PARN: variants seen among roughly 807,000 people sequenced by gnomAD.
The protein encoded by PARN is poly(A)-specific ribonuclease PARN.
A neutral mutation model predicts 102.8 loss-of-function variants in PARN; 71 were observed. The ratio of observed to expected loss-of-function variants is 0.69; its 90% CI spans 0.57 to 0.84. PARN has a LOEUF of 0.84. PARN is among the 40% of genes least tolerant of loss of function. The pLI, the probability that PARN is intolerant of heterozygous loss-of-function variation, is 0.00. For synonymous variants in PARN, 261 were observed against 252.9 expected, an observed-to-expected ratio of 1.03 and a Z score of -0.30; for missense variants, 782 against 760.9, an observed-to-expected ratio of 1.03 and a Z score of -0.33.
Position 14,446,970 on chromosome 16 carries a change from G to A in PARN, c.1782C>T (p.Thr594=), listed in dbSNP as rs187555579. The A allele has an allele frequency of 1.1e-3, 1,848 of 1,613,514 alleles. 4 individuals are homozygous for A. The highest frequency in any genetic ancestry group is 1.5e-3 in the Middle Eastern group (9 of 6,062). Reference sequence around the variant, plus strand: ...CTGAGAGGGGCTCTGCACAGGAATCGGTCTGCTCAAGCTCAGTGTCGGAAA... The same window carrying A: ...CTGAGAGGGGCTCTGCACAGGAATCAGTCTGCTCAAGCTCAGTGTCGGAAA... ...GEISDTELEQ[T]DSCAEPLSEG... Residue 594 remains threonine (T), a synonymous_variant, in exon 23 of 24, where the codon ACC becomes ACT. Transcript: ENST00000437198.
chr16:14,456,335 A>G (rs1253303720), intron 22 of PARN, among the ~76,000 whole-genome samples: 1 of 151,784 alleles, frequency 6.6e-6, no homozygotes, highest in Non-Finnish European at 1.5e-5. Context: ...ACACCTGACT[A>G]ATTTTTAATT....
chr16:14,532,718 G>A (rs1451771492), intron 21 of PARN, among the ~76,000 whole-genome samples: 4 of 150,774 alleles, frequency 2.7e-5, no homozygotes, highest in Non-Finnish European at 4.4e-5. Flanking sequence ...GGGCAGAGGC[G>A]CCCCTCACCT....
chr16:14,594,024 G>A (rs1031160888), intron 12 of PARN, among the ~76,000 whole-genome samples: 6 of 152,002 alleles, frequency 3.9e-5, no homozygotes, highest in Non-Finnish European at 5.9e-5. Flanking sequence ...ATCTGAAAGC[G>A]TTGACTCCCT....
rs114801530 is a variant in PARN, at chr16:14,625,240, G to A, written c.327+1866C>T. Reference sequence around the variant, plus strand: ...AAAACAAAACTGTAAGGCCGGGTGCGGTGGCTCAGCACTTTGGGAGGCCAA... The same window carrying A: ...AAAACAAAACTGTAAGGCCGGGTGCAGTGGCTCAGCACTTTGGGAGGCCAA... On this transcript the variant is annotated intron_variant, in intron 5 of 23. Coordinates refer to ENST00000437198, the MANE Select transcript of PARN (RefSeq NM_002582.4). Among the ~76,000 whole-genome samples, 1,313 of 152,048 alleles carry A rather than the reference G, an allele frequency of 8.6e-3. 21 individuals carry two copies. Among genetic ancestry groups the A allele is most frequent in the African/African-American group, 0.03 (1,230 of 41,450 alleles).
intron 21 of PARN, among the ~76,000 whole-genome samples, chr16:14,545,950 G>C (rs1280954732): frequency 6.6e-6 from 1 of 151,970 alleles, no homozygotes; most frequent in East Asian, 1.9e-4. Flanking sequence ...GTAAACCCAA[G>C]CAAGTAAAAG....
rs535539035 is a variant in PARN, at chr16:14,537,741, TAG to T, written c.1480+14278_1480+14279del. 1.9e-3 allele frequency among the ~76,000 whole-genome samples: 283 copies of T among 151,746 alleles called. 1 individual carries two copies. Among genetic ancestry groups the T allele is most frequent in the African/African-American group, 6.7e-3 (276 of 41,366 alleles). On this transcript the variant is annotated intron_variant, in intron 21 of 23. Transcript: ENST00000437198. ...GGAGCCGAAAAGCTTTGAGCTCAAGTAGAGAGTATAATTGGGAGTATTAAAGG... is the reference window on the plus strand; with the variant it reads ...GGAGCCGAAAAGCTTTGAGCTCAAGTAGAGTATAATTGGGAGTATTAAAGG...
intron 2 of PARN, among the ~76,000 whole-genome samples, chr16:14,629,021 A>G (rs575560115): frequency 5.8e-4 from 88 of 152,318 alleles, no homozygotes; most frequent in Non-Finnish European, 3.2e-4. Context: ...CAAAAACCTG[A>G]CCCTAGCCGG....
intron 5 of PARN, among the ~76,000 whole-genome samples, chr16:14,619,840 G>T (rs1298927500): frequency 6.6e-6 from 1 of 151,974 alleles, no homozygotes; most frequent in Non-Finnish European, 1.5e-5. Context: ...CGGAGGCTGA[G>T]GCAGGCGGAT....
intron 6 of PARN, among the ~76,000 whole-genome samples, chr16:14,611,524 G>A (rs1971518953): frequency 6.6e-6 from 1 of 152,128 alleles, no homozygotes; most frequent in South Asian, 2.1e-4. Flanking sequence ...GCTCAGATCA[G>A]AGGTCAGCAA....
chr16:14,489,850 C>G (rs1963961942), intron 21 of PARN, among the ~76,000 whole-genome samples: 1 of 152,210 alleles, frequency 6.6e-6, no homozygotes, highest in Non-Finnish European at 1.5e-5. Context: ...AAGGGAATTG[C>G]CTATATTCGT....
intron 21 of PARN, among the ~76,000 whole-genome samples, chr16:14,527,880 T>C (rs1046441334): frequency 6.6e-6 from 1 of 152,208 alleles, no homozygotes; most frequent in African/African-American, 2.4e-5. Flanking sequence ...AGGAGCCGTG[T>C]TTACAGCCCA....
At chr16:14,535,992 A>G (rs1224415278) in intron 21 of PARN, among the ~76,000 whole-genome samples, 1 of 152,206 alleles carries the variant, frequency 6.6e-6, no homozygotes, top group Non-Finnish European at 1.5e-5. Context: ...ACTTATTTAA[A>G]AAATAAAAAA....
At chr16:14,586,229 A>C (rs1369997796) in intron 14 of PARN, 89 bp downstream of exon 14, 20 of 743,390 alleles carry the variant, frequency 2.7e-5, no homozygotes. Context: ...CTCCCACCTC[A>C]GTCTCCCAAA....
intron 22 of PARN, among the ~76,000 whole-genome samples, chr16:14,472,070 T>C (rs775527527): frequency 2.6e-5 from 4 of 152,192 alleles, no homozygotes; most frequent in Non-Finnish European, 4.4e-5. Flanking sequence ...GTCCAAGAGA[T>C]GTCAAAGGAA....
chr16:14,493,234 G>A (rs1419958823), intron 21 of PARN, among the ~76,000 whole-genome samples: 1 of 152,032 alleles, frequency 6.6e-6, no homozygotes, highest in African/African-American at 2.4e-5. Context: ...TTATTTTTGA[G>A]ACAGGGTCTC....
At chr16:14,565,271 G>A (rs935234029) in intron 18 of PARN, among the ~76,000 whole-genome samples, 1 of 152,124 alleles carries the variant, frequency 6.6e-6, no homozygotes, top group Non-Finnish European at 1.5e-5. Context: ...TGTGGCATCA[G>A]TTATTTTAAT....
intron 23 of PARN, among the ~76,000 whole-genome samples, chr16:14,437,376 C>T (rs1195337870): frequency 1.8e-4 from 28 of 152,314 alleles, no homozygotes; most frequent in Non-Finnish European, 2.8e-4. Flanking sequence ...GGAAGCCAAC[C>T]AGTGGGGGTT....
At chr16:14,592,873 C>G (rs1811296676) in intron 13 of PARN, among the ~76,000 whole-genome samples, 1 of 152,224 alleles carries the variant, frequency 6.6e-6, no homozygotes, top group East Asian at 1.9e-4. Context: ...CGTGGTAGCT[C>G]AGGCCTGTAA....
chr16:14,610,636 G>A lies in PARN; in HGVS notation c.554+8C>T. 6.3e-7 allele frequency: 1 copy of A among 1,578,208 alleles called. No homozygotes were observed. ...CAATGCACGCTTAGTTTTAATTTAG[G>A]AACTTACACCACTTGGTCAATAAAC... On this transcript the variant is annotated splice_region_variant and intron_variant, in intron 7 of 23. Coordinates refer to ENST00000437198, the MANE Select transcript of PARN (RefSeq NM_002582.4).
Sources: allele counts gnomAD v4.1 joint callset (sites outside exome capture counted in the v4.1 genomes callset), GRCh38; gene constraint gnomAD v4.1.1; transcripts MANE v1.5; gene names NCBI Gene and HGNC (gene_info 2026-07-23, HGNC 2026-07-21).